THSD7B: variants seen among roughly 807,000 people sequenced by gnomAD.
THSD7B encodes thrombospondin type-1 domain-containing protein 7B.
THSD7B carries 138 observed loss-of-function variants against 213.6 expected under a neutral mutation model. That is an observed-to-expected ratio of 0.65 (90% CI 0.56 to 0.74). The LOEUF (loss-of-function observed/expected upper bound fraction) is 0.74. Among genes scored for constraint, THSD7B ranks in the 30% least tolerant of loss-of-function variants. The pLI, the probability that THSD7B is intolerant of heterozygous loss-of-function variation, is 0.00. For synonymous variants in THSD7B, 742 were observed against 687.0 expected (o/e 1.08, Z -1.25); for missense variants, 1,931 against 1,991.5 (o/e 0.97, Z 0.58).
intron 2 of THSD7B, among the ~76,000 whole-genome samples, chr2:137,009,817 C>T (rs981671731): frequency 1.3e-5 from 2 of 152,172 alleles, no homozygotes; most frequent in Non-Finnish European, 2.9e-5. Flanking sequence ...CACAGCCAAA[C>T]CATATCACAT....
intron 27 of THSD7B, among the ~76,000 whole-genome samples, chr2:137,674,743 G>C (rs1356566840): frequency 6.6e-6 from 1 of 152,164 alleles, no homozygotes; most frequent in Non-Finnish European, 1.5e-5. Context: ...AGCTTCTCTG[G>C]TTGGAAGTTG....
At chr2:137,582,134 A>AAATT (rs143015830) in intron 17 of THSD7B, among the ~76,000 whole-genome samples, 27,813 of 151,794 alleles carry the variant, frequency 0.18, 2,728 homozygotes, top group South Asian at 0.31. Flanking sequence ...AAATAAAAAT[A>AAATT]AATTAATTAA....
chr2:137,411,819 C>A lies in THSD7B; in HGVS notation c.2906C>A (p.Ala969Asp). 1 of 1,613,942 alleles carries A rather than the reference C, an allele frequency of 6.2e-7. No homozygotes were observed. The highest frequency in any genetic ancestry group is 8.5e-7 in the Non-Finnish European group (1 of 1,179,890). ...CGEGLRFRAVACSDKNGRPVD... is the reference protein window; with the variant it reads ...CGEGLRFRAVDCSDKNGRPVD... ...GAAGGCCTGCGCTTTCGAGCAGTAG[C>A]CTGTTCTGATAAAAATGGAAGACCT... Residue 969 changes from alanine to aspartate, a missense_variant, in exon 14 of 28, where the codon GCC (alanine) becomes GAC (aspartate). Transcript: ENST00000409968.
At chr2:137,060,982 T>C (rs1171638031) in intron 3 of THSD7B, among the ~76,000 whole-genome samples, 2 of 151,892 alleles carry the variant, frequency 1.3e-5, no homozygotes, top group African/African-American at 4.8e-5. Flanking sequence ...TTCTGGTACA[T>C]AGGATATCTC....
chr2:137,575,668 A>AATTGAAG (rs1681442917), intron 17 of THSD7B, among the ~76,000 whole-genome samples: 1 of 150,564 alleles, frequency 6.6e-6, no homozygotes, highest in Non-Finnish European at 1.5e-5. Context: ...GAAGAAAATG[A>AATTGAAG]AAAACTATTT....
rs914378855 is a variant in THSD7B at position 137,591,834 on chromosome 2, G to A, written c.3423+19278G>A. On this transcript the variant is annotated intron_variant, in intron 17 of 27. Coordinates refer to ENST00000409968, the MANE Select transcript of THSD7B (RefSeq NM_001316349.2). The stretch of plus-strand genomic sequence containing the variant: ...TGTTCGGCTGATCTTTGTTTCATAC[G>A]AACATTTTGCCTGGGATTTTATTCT... Among the ~76,000 whole-genome samples the A allele has an allele frequency of 4.0e-5, 6 of 151,756 alleles. No homozygotes were observed. The East Asian group carries it at 5.8e-4, about 15-fold the overall frequency.
intron 15 of THSD7B, among the ~76,000 whole-genome samples, chr2:137,547,602 C>T (rs1680766863): frequency 1.3e-5 from 2 of 152,114 alleles, no homozygotes; most frequent in South Asian, 4.1e-4. Context: ...CAATTTCCTC[C>T]TTTCTCCTAT....
chr2:136,802,661 A>ATATATATATATATATATATATG, intron 1 of THSD7B, among the ~76,000 whole-genome samples: 1 of 124,320 alleles, frequency 8.0e-6, no homozygotes, highest in Admixed American at 7.9e-5. Flanking sequence ...ATATATATAT[A>ATATATATATATATATATATATG]TATATATATA....
intron 4 of THSD7B, among the ~76,000 whole-genome samples, chr2:137,113,950 A>T (rs1168919259): frequency 6.6e-6 from 1 of 152,166 alleles, no homozygotes; most frequent in Non-Finnish European, 1.5e-5. Context: ...AAGACTAATG[A>T]TTCTCAGCTG....
rs187485428 is a variant in THSD7B at position 137,154,272 on chromosome 2, C to T, written c.1370-5941C>T. 1.8e-4 allele frequency among the ~76,000 whole-genome samples: 28 copies of T among 152,184 alleles called. No homozygotes were observed. In the East Asian group the frequency reaches 5.2e-3, roughly 28 times the overall value. On this transcript the variant is annotated intron_variant, in intron 5 of 27. Transcript: ENST00000409968. The stretch of plus-strand genomic sequence containing the variant: ...TAGTATCTTGTGACGAATTCCTCTA[C>T]CATCTGTAAGATACTTCTTTTTGTC...
intron 12 of THSD7B, among the ~76,000 whole-genome samples, chr2:137,321,364 TAATA>T (rs1008615799): frequency 2.1e-4 from 32 of 152,322 alleles, no homozygotes; most frequent in African/African-American, 7.2e-4. Context: ...TTGAATTAAT[TAATA>T]GTTGTTCAGC....
intron 15 of THSD7B, among the ~76,000 whole-genome samples, chr2:137,484,278 T>G (rs1688376623): frequency 6.6e-6 from 1 of 150,592 alleles, no homozygotes; most frequent in African/African-American, 2.5e-5. Context: ...GTGTTTGGTT[T>G]TTTGTTCTTG....
intron 7 of THSD7B, among the ~76,000 whole-genome samples, chr2:137,183,726 T>C (rs1239511216): frequency 6.6e-6 from 1 of 152,084 alleles, no homozygotes; most frequent in East Asian, 1.9e-4. Flanking sequence ...GCCGTAATTA[T>C]ACCCAGTGTC....
At chr2:137,093,545 T>G (rs1238452649) in intron 3 of THSD7B, among the ~76,000 whole-genome samples, 4 of 152,210 alleles carry the variant, frequency 2.6e-5, no homozygotes, top group Non-Finnish European at 5.9e-5. Flanking sequence ...CCAAAAGGTA[T>G]GATTTCAAAT....
At chr2:137,450,718 A>T (rs947204688) in intron 14 of THSD7B, 127 bp from the exon 15 acceptor site, 1 of 692,634 alleles carries the variant, frequency 1.4e-6, no homozygotes, top group Non-Finnish European at 2.2e-6. Context: ...TTTATCTGAG[A>T]ACAAAATTAT....
chr2:136,947,874 T>C (rs1455443217), intron 2 of THSD7B, among the ~76,000 whole-genome samples: 1 of 152,228 alleles, frequency 6.6e-6, no homozygotes. Context: ...TTCCAAAGTA[T>C]GTCTCTCCCT....
At chr2:137,564,218 C>A (rs1331805472) in intron 16 of THSD7B, among the ~76,000 whole-genome samples, 2 of 152,172 alleles carry the variant, frequency 1.3e-5, no homozygotes, top group Non-Finnish European at 1.5e-5. Context: ...ATTGAGTTAA[C>A]TGTTGAAAGT....
At chr2:137,395,884 A>G (rs1345659844) in intron 12 of THSD7B, among the ~76,000 whole-genome samples, 2 of 149,868 alleles carry the variant, frequency 1.3e-5, no homozygotes, top group African/African-American at 4.9e-5. Context: ...TTCCTTTTTT[A>G]GTCTTGGGAG....
At chr2:137,173,336 G>A (rs1680300035) in intron 7 of THSD7B, among the ~76,000 whole-genome samples, 4 of 152,152 alleles carry the variant, frequency 2.6e-5, no homozygotes, top group Admixed American at 1.3e-4. Flanking sequence ...AAAGATCATT[G>A]GTTTGGTTGG....
Sources: gnomAD v4.1 joint callset for allele counts (sites outside exome capture counted in the v4.1 genomes callset) on GRCh38, gnomAD v4.1.1 for gene constraint, MANE v1.5 for transcripts, NCBI Gene and HGNC (gene_info 2026-07-23, HGNC 2026-07-21) for gene names.